FAM193A: variants seen among roughly 807,000 people sequenced by gnomAD.
The protein encoded by FAM193A is protein FAM193A.
In FAM193A, 22 loss-of-function variants were observed where a neutral mutation model predicts 126.5. That is an observed-to-expected ratio of 0.17 (90% CI 0.12 to 0.25). FAM193A has a LOEUF of 0.25. Among genes scored for constraint, FAM193A ranks in the 10% least tolerant of loss-of-function variants. The pLI is 1.00. For synonymous variants in FAM193A, 761 were observed against 646.8 expected (o/e 1.18, Z -2.68); for missense variants, 1,675 against 1,672.8 (o/e 1.00, Z -0.02).
chr4:2,707,215 T>C (rs1321987816), intron 19 of FAM193A, among the ~76,000 whole-genome samples: 4 of 152,212 alleles, frequency 2.6e-5, no homozygotes, highest in East Asian at 3.9e-4. Flanking sequence ...ATGATATTGA[T>C]CATTCCTTCC....
rs1560464679 is a variant in FAM193A at position 2,590,502 on chromosome 4, A to AAC, written c.256-5581_256-5580insCA. ...AAAAAAAAACAAAAAAAAACAAAAA[A>AAC]AAACAAAAAAAAAACAAAACAAAAT... On this transcript the variant is annotated intron_variant, in intron 1 of 20. Coordinates refer to ENST00000637812, the MANE Select transcript of FAM193A (RefSeq NM_001366318.2). Among the ~76,000 whole-genome samples the AAC allele has an allele frequency of 8.4e-5, 7 of 83,706 alleles. 1 individual carries two copies. Among genetic ancestry groups the AAC allele is most frequent in the South Asian group, 2.9e-4 (1 of 3,488 alleles). The allele number at this position is 83,706 out of a possible 152,430, so 54.9% of individuals were successfully genotyped here. A position where few individuals can be genotyped will look rare whatever the true frequency, so the allele number is the denominator to read the frequency against.
intron 4 of FAM193A, among the ~76,000 whole-genome samples, chr4:2,630,689 C>T (rs1221550094): frequency 6.6e-6 from 1 of 152,220 alleles, no homozygotes; most frequent in African/African-American, 2.4e-5. Context: ...TGCACGTGCA[C>T]GGACAGTGCT....
intron 1 of FAM193A, among the ~76,000 whole-genome samples, chr4:2,589,962 G>T (rs998151880): frequency 1.3e-5 from 2 of 150,134 alleles, no homozygotes; most frequent in Non-Finnish European, 3.0e-5. Flanking sequence ...TGATGAAACC[G>T]CATCTCTACT....
At chr4:2,707,980 C>T (rs1560597327) in intron 19 of FAM193A, among the ~76,000 whole-genome samples, 1 of 152,162 alleles carries the variant, frequency 6.6e-6, no homozygotes, top group Non-Finnish European at 1.5e-5. Context: ...GAACTCCTGA[C>T]TTCAAGTGAT....
intron 19 of FAM193A, among the ~76,000 whole-genome samples, chr4:2,704,741 C>A (rs7677826): frequency 6.6e-6 from 1 of 152,078 alleles, no homozygotes; most frequent in South Asian, 2.1e-4. Context: ...GTTGCCAATC[C>A]GTTAGCTACA....
At chr4:2,563,724 A>G (rs115006028) in intron 1 of FAM193A, among the ~76,000 whole-genome samples, 125 of 152,316 alleles carry the variant, frequency 8.2e-4, no homozygotes, top group Non-Finnish European at 1.5e-3. Flanking sequence ...CTGGGAATCA[A>G]CCCTCAAAGA....
intron 1 of FAM193A, among the ~76,000 whole-genome samples, chr4:2,544,136 AAATT>A (rs1737407932): frequency 6.6e-6 from 1 of 152,178 alleles, no homozygotes; most frequent in Non-Finnish European, 1.5e-5. Context: ...GTCTTAACTA[AAATT>A]AACAATTTTA....
At chr4:2,535,539 G>A (rs985412518), upstream of FAM193A, among the ~76,000 whole-genome samples, 1 of 152,240 alleles carries the variant, frequency 6.6e-6, no homozygotes, top group African/African-American at 2.4e-5. Context: ...GTGGTAAGCG[G>A]GGCCCTCCAG....
chr4:2,668,541 C>T (rs1470105050), intron 12 of FAM193A, among the ~76,000 whole-genome samples: 2 of 152,120 alleles, frequency 1.3e-5, no homozygotes, highest in African/African-American at 4.8e-5. Context: ...TCACAATCTA[C>T]TCCAGATTAC....
chr4:2,644,309 A>AC (rs1215615346), intron 6 of FAM193A, among the ~76,000 whole-genome samples: 1 of 152,190 alleles, frequency 6.6e-6, no homozygotes, highest in Admixed American at 6.5e-5. Flanking sequence ...GAGGAGCGGG[A>AC]CAAGGAACAC....
chr4:2,693,940 C>T, intron 16 of FAM193A, 66 bp downstream of exon 16: 3 of 1,501,396 alleles, frequency 2.0e-6, no homozygotes, highest in Non-Finnish European at 2.7e-6. Context: ...CTCACTAACA[C>T]AGCTACAGAA....
At chr4:2,628,984 C>A (rs1446732518) in intron 4 of FAM193A, among the ~76,000 whole-genome samples, 1 of 151,964 alleles carries the variant, frequency 6.6e-6, no homozygotes, top group Non-Finnish European at 1.5e-5. Context: ...TCGCGAGTAG[C>A]TGGGACTACA....
At chr4:2,656,041 C>G (rs1190076055) in intron 7 of FAM193A, among the ~76,000 whole-genome samples, 1 of 152,142 alleles carries the variant, frequency 6.6e-6, no homozygotes, top group Non-Finnish European at 1.5e-5. Flanking sequence ...CCTGCTTTGG[C>G]CTACCAAAGT....
At chr4:2,566,638 A>C (rs982474484) in intron 1 of FAM193A, among the ~76,000 whole-genome samples, 1 of 152,210 alleles carries the variant, frequency 6.6e-6, no homozygotes, top group Non-Finnish European at 1.5e-5. Flanking sequence ...CAGTGAGCCA[A>C]GATCACACCA....
Position 2,732,088 on chromosome 4 carries a change from C to A in FAM193A, c.*220C>A. 1 of 571,836 alleles carries A rather than the reference C, an allele frequency of 1.7e-6. No individual in the cohort carries two copies. Among genetic ancestry groups the A allele is most frequent in the South Asian group, 2.0e-5 (1 of 50,544 alleles). 35.4% of individuals were successfully genotyped at this position (571,836 alleles called of 1,614,324 possible). On this transcript the variant is annotated 3_prime_UTR_variant, in exon 21 of 21. Transcript: ENST00000637812. The stretch of plus-strand genomic sequence containing the variant: ...AGACTCCTTCGATTGTAGCTCTGTG[C>A]TGTCGGATTGGAACAGTAGTTCCCG...
chr4:2,616,055 C>G (rs1483097004), intron 2 of FAM193A, among the ~76,000 whole-genome samples: 1 of 152,234 alleles, frequency 6.6e-6, no homozygotes, highest in Non-Finnish European at 1.5e-5. Context: ...CCCGCCTCAG[C>G]CTCCCAAAGT....
chr4:2,564,316 C>G (rs982715241), intron 1 of FAM193A, among the ~76,000 whole-genome samples: 1 of 151,934 alleles, frequency 6.6e-6, no homozygotes, highest in African/African-American at 2.4e-5. Flanking sequence ...CTCCTGGGGT[C>G]GAGTAATTCT....
intron 14 of FAM193A, among the ~76,000 whole-genome samples, chr4:2,690,057 G>A (rs1484403130): frequency 1.3e-5 from 2 of 152,162 alleles, no homozygotes. Context: ...CAGCCCCCCC[G>A]GTGCACAGGG....
At position 2,694,958 on chromosome 4, in the gene FAM193A, C is replaced by T. The variant is rs199630030; in HGVS notation, c.3105C>T (p.Cys1035=). Residue 1035 remains cysteine, a synonymous_variant, in exon 17 of 21, where the codon TGC becomes TGT. Coordinates refer to ENST00000637812, the MANE Select transcript of FAM193A (RefSeq NM_001366318.2). ...APPSVCSDPD[C]EGHRCENGVY... ...TGCGGTTTTGCAGTGACCCTGACTG[C>T]GAAGGGCACCGCTGCGAGAATGGTG... 9.4e-5 allele frequency: 151 copies of T among 1,598,830 alleles called. No individual in the cohort carries two copies. In the African/African-American group the frequency reaches 1.6e-3, roughly 17 times the overall value.
Sources: allele counts gnomAD v4.1 joint callset (sites outside exome capture counted in the v4.1 genomes callset), GRCh38; gene constraint gnomAD v4.1.1; transcripts MANE v1.5; gene names NCBI Gene and HGNC (gene_info 2026-07-23, HGNC 2026-07-21).